Variants in SGCD observed in about 807,000 individuals in gnomAD.
SGCD encodes sarcoglycan delta.
In SGCD, 18 loss-of-function variants were observed where a neutral mutation model predicts 36.6. The observed-to-expected ratio is 0.49, with a 90% confidence interval of 0.34 to 0.73. The LOEUF is 0.73. Ranked by LOEUF, SGCD falls within the 30% of genes least tolerant of loss-of-function variation. The probability of loss-of-function intolerance (pLI) is 0.01; values close to 1 mark genes in which losing one functional copy is unlikely to be tolerated. For missense variants in SGCD, 387 were observed against 346.7 expected, an observed-to-expected ratio of 1.12 and a Z score of -0.92; for synonymous variants, 133 against 130.6, an observed-to-expected ratio of 1.02 and a Z score of -0.12.
chr5:156,105,922 C>A (rs550865125), intron 1 of SGCD, among the ~76,000 whole-genome samples: 3 of 151,412 alleles, frequency 2.0e-5, no homozygotes, highest in African/African-American at 7.3e-5. Flanking sequence ...ACCTGCCTGG[C>A]GAAGATGGTG....
At chr5:155,879,770 C>T (rs1418594362) in intron 1 of SGCD, among the ~76,000 whole-genome samples, 4 of 152,064 alleles carry the variant, frequency 2.6e-5, no homozygotes, top group African/African-American at 4.8e-5. Flanking sequence ...ATATTAAAAA[C>T]GTTATTCTCA....
At chr5:155,813,522 A>T in the SGCD span, among the ~76,000 whole-genome samples, 1 of 152,166 alleles carries the variant, frequency 6.6e-6, no homozygotes, top group Non-Finnish European at 1.5e-5. Flanking sequence ...AGCCCTAAAT[A>T]TGATCACTGA....
chr5:156,315,933 G>A (rs1302071430), intron 3 of SGCD, among the ~76,000 whole-genome samples: 1 of 151,440 alleles, frequency 6.6e-6, no homozygotes, highest in East Asian at 1.9e-4. Context: ...TAAATATTTT[G>A]GATATTAACC....
chr5:155,754,914 A>G, the SGCD span, among the ~76,000 whole-genome samples: 5 of 152,178 alleles, frequency 3.3e-5, no homozygotes, highest in African/African-American at 1.2e-4. Context: ...CTTTCCAGAT[A>G]CAAATGCTGG....
chr5:155,758,998 G>T, the SGCD span, among the ~76,000 whole-genome samples: 1 of 150,790 alleles, frequency 6.6e-6, no homozygotes, highest in African/African-American at 2.5e-5. Context: ...GAGTTTTTAT[G>T]ATTTTTTTTA....
intron 7 of SGCD, among the ~76,000 whole-genome samples, chr5:156,677,027 C>A (rs1438232876): frequency 6.6e-6 from 1 of 152,170 alleles, no homozygotes; most frequent in East Asian, 1.9e-4. Flanking sequence ...TAAATATTAT[C>A]TATTTAAACT....
the SGCD span, among the ~76,000 whole-genome samples, chr5:155,738,097 G>T: frequency 6.6e-6 from 1 of 152,120 alleles, no homozygotes; most frequent in African/African-American, 2.4e-5. Context: ...AACCCAGAGG[G>T]CATTACTCAC....
intron 6 of SGCD, among the ~76,000 whole-genome samples, chr5:156,614,687 GCTT>G (rs935521612): frequency 6.6e-6 from 1 of 152,008 alleles, no homozygotes; most frequent in African/African-American, 2.4e-5. Context: ...TTAAATATTT[GCTT>G]CTTTTCAGAT....
At chr5:156,492,817 A>G (rs1581071671) in intron 3 of SGCD, among the ~76,000 whole-genome samples, 3 of 151,838 alleles carry the variant, frequency 2.0e-5, no homozygotes, top group Admixed American at 1.3e-4. Flanking sequence ...TGTGGTGTTT[A>G]GTTTTCTGTT....
At chr5:156,751,594 A>T (rs1561896475) in intron 7 of SGCD, among the ~76,000 whole-genome samples, 1 of 152,236 alleles carries the variant, frequency 6.6e-6, no homozygotes, top group South Asian at 2.1e-4. Flanking sequence ...AAAGTATTCC[A>T]CAAATCACAC....
intron 1 of SGCD, among the ~76,000 whole-genome samples, chr5:156,032,617 C>T (rs1759373811): frequency 7.6e-6 from 1 of 131,548 alleles, no homozygotes; most frequent in African/African-American, 2.9e-5. Context: ...ACTAGGGAGG[C>T]TGGGGCAGGA....
At chr5:155,736,498 G>C in the SGCD span, among the ~76,000 whole-genome samples, 1 of 151,916 alleles carries the variant, frequency 6.6e-6, no homozygotes, top group South Asian at 2.1e-4. Context: ...CTATCTCATA[G>C]GTTTCTTAAA....
At position 156,073,507 on chromosome 5, in the gene SGCD, G is replaced by T. The variant is rs112310592; in HGVS notation, c.-281-44371G>T. Among the ~76,000 whole-genome samples, 451 of 152,290 alleles carry T rather than the reference G, an allele frequency of 3.0e-3. 2 individuals are homozygous for T. The highest frequency in any genetic ancestry group is 9.6e-3 in the African/African-American group (398 of 41,574). ...GAGCCCAGGAGGTGGAGGCTGCAGGGAGCTGTGGTTATGCCACTGCACTCT... is the reference window on the plus strand; with the variant it reads ...GAGCCCAGGAGGTGGAGGCTGCAGGTAGCTGTGGTTATGCCACTGCACTCT... On this transcript the variant is annotated intron_variant, in intron 1 of 9. Transcript: ENST00000517913.
At chr5:155,943,431 A>G (rs1757373899) in intron 1 of SGCD, among the ~76,000 whole-genome samples, 1 of 152,168 alleles carries the variant, frequency 6.6e-6, no homozygotes. Flanking sequence ...TCATGTATTT[A>G]TTTAAAATTT....
At position 155,935,530 on chromosome 5, in the gene SGCD, C is replaced by T. The variant is rs576638812; in HGVS notation, c.-282+65106C>T. 2.0e-5 allele frequency among the ~76,000 whole-genome samples: 3 copies of T among 152,284 alleles called. No homozygotes were observed. In the East Asian group the frequency reaches 5.8e-4, roughly 29 times the overall value. On this transcript the variant is annotated intron_variant, in intron 1 of 9. Coordinates refer to the SGCD transcript ENST00000517913. ...ATAATGAGATAGAAAGTGAAGGGGA[C>T]AGACTCAGGGAAAGCTATCTAAGTA... is the stretch of plus-strand genomic sequence containing the variant.
chr5:156,275,719 G>T (rs558989004), intron 3 of SGCD, among the ~76,000 whole-genome samples: 1 of 152,268 alleles, frequency 6.6e-6, no homozygotes, highest in South Asian at 2.1e-4. Flanking sequence ...TTTCAGGAAT[G>T]AAAGTAAGTT....
At chr5:155,793,200 T>C in the SGCD span, among the ~76,000 whole-genome samples, 1 of 152,116 alleles carries the variant, frequency 6.6e-6, no homozygotes, top group African/African-American at 2.4e-5. Flanking sequence ...GGGAGCTAAA[T>C]ATTGAACATG....
At chr5:156,093,641 A>G (rs1405346650) in intron 1 of SGCD, among the ~76,000 whole-genome samples, 1 of 152,118 alleles carries the variant, frequency 6.6e-6, no homozygotes, top group Non-Finnish European at 1.5e-5. Context: ...TGGGATCCCA[A>G]TTTGGGTTTG....
intron 6 of SGCD, among the ~76,000 whole-genome samples, chr5:156,612,937 AG>A (rs1200220993): frequency 5.3e-5 from 8 of 152,208 alleles, no homozygotes. Flanking sequence ...TCTGGCAGCA[AG>A]GACTATAGGT....
Sources: allele counts gnomAD v4.1 joint callset (sites outside exome capture counted in the v4.1 genomes callset), GRCh38; gene constraint gnomAD v4.1.1; transcripts MANE v1.5; gene names NCBI Gene and HGNC (gene_info 2026-07-23, HGNC 2026-07-21).